The following FBLN5 variants were observed in gnomAD, a reference collection of about 807,000 sequenced individuals.
FBLN5 encodes the protein fibulin-5.
In FBLN5, 24 loss-of-function variants were observed where a neutral mutation model predicts 61.6. The observed-to-expected ratio is 0.39, with a 90% CI of 0.28 to 0.55. The LOEUF is 0.55. Among genes scored for constraint, FBLN5 ranks in the 20% least tolerant of loss-of-function variants. FBLN5 has a pLI of 0.65. For synonymous variants in FBLN5, 213 were observed against 219.8 expected (o/e 0.97, Z 0.27); for missense variants, 470 against 594.1 (o/e 0.79, Z 2.17).
intron 4 of FBLN5, among the ~76,000 whole-genome samples, chr14:91,908,730 C>A (rs188929374): frequency 4.0e-4 from 61 of 152,258 alleles, no homozygotes; most frequent in African/African-American, 1.4e-3. Flanking sequence ...GAGCCCATCC[C>A]AACCCAGTTA....
chr14:91,945,228 CAAA>C (rs545285563), intron 1 of FBLN5, among the ~76,000 whole-genome samples: 6 of 64,844 alleles, frequency 9.3e-5, no homozygotes, highest in Non-Finnish European at 9.8e-5. Context: ...GACTCCGTCT[CAAA>C]AAAAAAAAAA....
chr14:91,936,640 G>C (rs892467762), intron 4 of FBLN5, among the ~76,000 whole-genome samples: 3 of 152,082 alleles, frequency 2.0e-5, no homozygotes, highest in Admixed American at 6.5e-5. Context: ...TATTACCTTG[G>C]TCTTTAAATA....
rs547214127 is a variant in FBLN5 at position 91,903,727 on chromosome 14, T to C, written c.380-8655A>G. Among the ~76,000 whole-genome samples the C allele has an allele frequency of 3.3e-5, 5 of 152,202 alleles. No homozygotes were observed. In the South Asian group the frequency reaches 6.2e-4, roughly 19 times the overall value. ...CAGTGGCCCAGGCTAGAGACCACAG[T>C]CATCCTTAAATCTTCCCTTCACGTC... On this transcript the variant is annotated intron_variant, in intron 4 of 10. Coordinates refer to ENST00000342058, the MANE Select transcript of FBLN5 (RefSeq NM_006329.4).
chr14:91,928,210 A>C (rs141195421), intron 4 of FBLN5, among the ~76,000 whole-genome samples: 25 of 152,386 alleles, frequency 1.6e-4, no homozygotes, highest in African/African-American at 6.0e-4. Context: ...TAGGCAATCC[A>C]GGTGGGAAAG....
chr14:91,890,536 A>G (rs1163949379), intron 6 of FBLN5, among the ~76,000 whole-genome samples: 1 of 152,234 alleles, frequency 6.6e-6, no homozygotes, highest in East Asian at 1.9e-4. Flanking sequence ...TAAGTCCCCC[A>G]TTCACTTCCT....
intron 4 of FBLN5, among the ~76,000 whole-genome samples, chr14:91,905,414 A>G (rs1890642990): frequency 6.6e-6 from 1 of 152,138 alleles, no homozygotes; most frequent in African/African-American, 2.4e-5. Context: ...AGCTGCTAAC[A>G]GGTGAGAACA....
At chr14:91,872,466 T>C (rs56718886) in intron 10 of FBLN5, among the ~76,000 whole-genome samples, 2,625 of 152,050 alleles carry the variant, frequency 0.017, 89 homozygotes, top group African/African-American at 0.06. Context: ...CAAGCAACAG[T>C]CTCTGCAAAA....
chr14:91,911,903 GCT>G (rs905900217), intron 4 of FBLN5, among the ~76,000 whole-genome samples: 1 of 152,074 alleles, frequency 6.6e-6, no homozygotes, highest in African/African-American at 2.4e-5. Flanking sequence ...AAGAAAACTT[GCT>G]AAGAGGGTAA....
rs2056135288 is a variant in FBLN5, at chr14:91,943,288, T to C, written c.18-327A>G. ...CTTTGAGAGGCTGAGGCAAGAGGAT[T>C]GCTTGAACCCAGGAGTTTGAGACAA... On this transcript the variant is annotated intron_variant, in intron 1 of 10. Coordinates refer to ENST00000342058, the MANE Select transcript of FBLN5 (RefSeq NM_006329.4). This position sits in a 1 kb window ranked among gnomAD's most constrained non-coding sequence, Gnocchi z 4.0. 6.6e-6 allele frequency among the ~76,000 whole-genome samples: 1 copy of C among 152,020 alleles called. No homozygotes were observed. The highest frequency in any genetic ancestry group is 1.5e-5 in the Non-Finnish European group (1 of 67,996).
rs1007673699 is a variant in FBLN5, at chr14:91,914,141, G to A, written c.380-19069C>T. Among the ~76,000 whole-genome samples, 14 of 152,154 alleles carry A rather than the reference G, an allele frequency of 9.2e-5. 1 individual carries two copies. The highest frequency in any genetic ancestry group is 4.2e-4 in the South Asian group (2 of 4,812). On this transcript the variant is annotated intron_variant, in intron 4 of 10. Coordinates refer to ENST00000342058, the MANE Select transcript of FBLN5 (RefSeq NM_006329.4). ...GCAGATCACTTGAGCTCAAGAGTTC[G>A]AGACCAGCCTGAGAAACATGGCGAG...
chr14:91,876,306 A>G (rs1889158955), intron 10 of FBLN5, among the ~76,000 whole-genome samples: 1 of 152,216 alleles, frequency 6.6e-6, no homozygotes. Flanking sequence ...TAATGAAAGC[A>G]TATAAACGCC....
intron 4 of FBLN5, among the ~76,000 whole-genome samples, chr14:91,926,835 G>A (rs922627768): frequency 2.6e-5 from 4 of 152,180 alleles, no homozygotes; most frequent in Non-Finnish European, 5.9e-5. Context: ...CGATTGCTTA[G>A]AGGGTGAAGA....
intron 1 of FBLN5, among the ~76,000 whole-genome samples, chr14:91,945,636 G>C (rs1362009815): frequency 6.6e-6 from 1 of 152,158 alleles, no homozygotes; most frequent in Non-Finnish European, 1.5e-5. Context: ...CAGCAACCCT[G>C]GGTATTAGAG....
intron 4 of FBLN5, among the ~76,000 whole-genome samples, chr14:91,896,498 C>A (rs1207053500): frequency 6.6e-6 from 1 of 152,144 alleles, no homozygotes. Context: ...ATTCACTGAG[C>A]CTGTGTTATG....
intron 4 of FBLN5, among the ~76,000 whole-genome samples, chr14:91,916,045 C>T (rs183404625): frequency 2.0e-5 from 3 of 152,312 alleles, no homozygotes; most frequent in Non-Finnish European, 2.9e-5. Flanking sequence ...ACAAATCATA[C>T]TATAACATGA....
At chr14:91,885,778 C>T (rs538670561) in intron 7 of FBLN5, among the ~76,000 whole-genome samples, 34 of 152,332 alleles carry the variant, frequency 2.2e-4, no homozygotes, top group Non-Finnish European at 4.4e-4. Flanking sequence ...TGCGGATTAA[C>T]GGAGGATTCT....
chr14:91,909,502 T>C (rs1039041095), intron 4 of FBLN5, among the ~76,000 whole-genome samples: 6 of 152,108 alleles, frequency 3.9e-5, no homozygotes, highest in Admixed American at 6.6e-5. Flanking sequence ...GTGTGGGAAA[T>C]GCAACTAAAA....
In FBLN5 at chr14:91,932,764, C is replaced by T. The variant is rs557883806; in HGVS notation, c.379+4183G>A. On this transcript the variant is annotated intron_variant, in intron 4 of 10. Coordinates refer to ENST00000342058, the MANE Select transcript of FBLN5 (RefSeq NM_006329.4). ...CGGCAAGAGTGCAATCAGCCACCTC[C>T]GAAACGTATGAAATTCTACAGAACA... Among the ~76,000 whole-genome samples the T allele has an allele frequency of 5.4e-4, 83 of 152,308 alleles. 1 individual carries two copies. In the South Asian group the frequency reaches 0.011, roughly 19 times the overall value.
At chr14:91,891,041 T>C (rs1254796708) in intron 6 of FBLN5, among the ~76,000 whole-genome samples, 180 bp downstream of exon 6, 5 of 152,228 alleles carry the variant, frequency 3.3e-5, no homozygotes, top group African/African-American at 1.2e-4. Context: ...CTTTTTGAGA[T>C]GCTTCGCATA....
Sources: allele counts gnomAD v4.1 joint callset (sites outside exome capture counted in the v4.1 genomes callset), GRCh38; gene constraint gnomAD v4.1.1; non-coding constraint Gnocchi (gnomAD v3.1); transcripts MANE v1.5; gene names NCBI Gene and HGNC (gene_info 2026-07-23, HGNC 2026-07-21).